Variants in LCLAT1 observed in about 807,000 individuals in gnomAD.
The protein encoded by LCLAT1 is 1-AGP acyltransferase 8.
LCLAT1 carries 11 observed loss-of-function variants against 30.7 expected under a neutral mutation model. The ratio of observed to expected loss-of-function variants is 0.36; its 90% CI spans 0.23 to 0.59. The LOEUF (loss-of-function observed/expected upper bound fraction) is 0.59. LCLAT1 is among the 20% of genes least tolerant of loss of function. The pLI is 0.77. For synonymous variants in LCLAT1, 155 were observed against 151.3 expected (o/e 1.02, Z -0.18); for missense variants, 402 against 458.6 (o/e 0.88, Z 1.13).
intron 4 of LCLAT1, among the ~76,000 whole-genome samples, chr2:30,566,100 CAG>C (rs1157869649): frequency 6.6e-6 from 1 of 152,136 alleles, no homozygotes; most frequent in African/African-American, 2.4e-5. Flanking sequence ...AGTGCAATAA[CAG>C]AGTCTGGGGA....
At chr2:30,480,483 C>T (rs1041367632) in intron 1 of LCLAT1, among the ~76,000 whole-genome samples, 2 of 152,228 alleles carry the variant, frequency 1.3e-5, no homozygotes, top group Non-Finnish European at 2.9e-5. Flanking sequence ...GTTTGAGCCA[C>T]TGCGCCTGGC....
chr2:30,478,421 G>A (rs1397944728), intron 1 of LCLAT1, among the ~76,000 whole-genome samples: 2 of 152,112 alleles, frequency 1.3e-5, no homozygotes, highest in Non-Finnish European at 2.9e-5. Flanking sequence ...TCATATTCTG[G>A]TAGAATTCCC....
At chr2:30,591,826 C>T (rs1666704512) in intron 5 of LCLAT1, among the ~76,000 whole-genome samples, 2 of 152,138 alleles carry the variant, frequency 1.3e-5, no homozygotes, top group Admixed American at 1.3e-4. Flanking sequence ...AGCTGAATAC[C>T]TATACACCTT....
chr2:30,569,535 G>A (rs918942968), intron 5 of LCLAT1, among the ~76,000 whole-genome samples: 2 of 152,066 alleles, frequency 1.3e-5, no homozygotes, highest in Non-Finnish European at 2.9e-5. Flanking sequence ...ACCTTCATCT[G>A]GTAACTGATA....
intron 1 of LCLAT1, among the ~76,000 whole-genome samples, chr2:30,501,088 G>A (rs1662938): frequency 0.13 from 3,355 of 25,244 alleles, 70 homozygotes; most frequent in Middle Eastern, 0.3. Flanking sequence ...GTGTGTGTGT[G>A]TGTGTGTGTA....
In LCLAT1 at chr2:30,455,812, C is replaced by T. The variant is rs559599480; in HGVS notation, c.-5+8429C>T. ...ATAGTCCTAGCTACTTGGGAGGCTG[C>T]GGCAGGAGGATCACTTGAGCCTGGG... On this transcript the variant is annotated intron_variant, in intron 1 of 5. Transcript: ENST00000379509. Among the ~76,000 whole-genome samples the T allele has an allele frequency of 1.0e-3, 152 of 146,688 alleles. 1 individual carries two copies. The highest frequency in any genetic ancestry group is 6.9e-3 in the South Asian group (31 of 4,494).
intron 2 of LCLAT1, among the ~76,000 whole-genome samples, chr2:30,530,135 A>G (rs1685915661): frequency 6.6e-6 from 1 of 152,232 alleles, no homozygotes; most frequent in Non-Finnish European, 1.5e-5. Flanking sequence ...AATTAGGTAA[A>G]AATTATCAGA....
chr2:30,563,891 T>G (rs1223628006), intron 4 of LCLAT1, among the ~76,000 whole-genome samples: 1 of 152,228 alleles, frequency 6.6e-6, no homozygotes, highest in African/African-American at 2.4e-5. Context: ...TGAAGGGATC[T>G]TTGACACATC....
intron 5 of LCLAT1, among the ~76,000 whole-genome samples, chr2:30,577,446 T>C (rs929497049): frequency 2.0e-5 from 3 of 152,124 alleles, no homozygotes; most frequent in African/African-American, 7.2e-5. Flanking sequence ...ATTACTGATG[T>C]TGAGAATCTA....
chr2:30,598,414 CTT>C (rs58514140), intron 5 of LCLAT1, among the ~76,000 whole-genome samples: 161 of 135,852 alleles, frequency 1.2e-3, no homozygotes, highest in African/African-American at 3.2e-3. Flanking sequence ...TCTAGATTTT[CTT>C]TTTTTTTTTT....
intron 5 of LCLAT1, among the ~76,000 whole-genome samples, chr2:30,571,830 G>T (rs536186069): frequency 6.6e-6 from 1 of 152,296 alleles, no homozygotes; most frequent in Non-Finnish European, 1.5e-5. Flanking sequence ...ACATTTGCTA[G>T]AATATTTTCT....
chr2:30,616,404 A>G (rs1163492609), intron 5 of LCLAT1, among the ~76,000 whole-genome samples: 1 of 152,062 alleles, frequency 6.6e-6, no homozygotes, highest in African/African-American at 2.4e-5. Context: ...GAGTGTGTGT[A>G]TGTGTTTGTT....
chr2:30,618,230 A>G (rs1195557301), intron 5 of LCLAT1, among the ~76,000 whole-genome samples: 1 of 151,912 alleles, frequency 6.6e-6, no homozygotes, highest in Non-Finnish European at 1.5e-5. Flanking sequence ...CTTTTTCAAA[A>G]TTGTTTTCTT....
At chr2:30,614,899 A>T (rs1390804507) in intron 5 of LCLAT1, among the ~76,000 whole-genome samples, 1 of 152,148 alleles carries the variant, frequency 6.6e-6, no homozygotes, top group Non-Finnish European at 1.5e-5. Context: ...AGTTGGGGAA[A>T]AGCCAAGAGA....
intron 5 of LCLAT1, among the ~76,000 whole-genome samples, chr2:30,633,912 T>C (rs1668892330): frequency 2.0e-5 from 3 of 152,226 alleles, no homozygotes; most frequent in Admixed American, 2.0e-4. Context: ...TTCCATTCTT[T>C]TGTTTTAAAC....
chr2:30,496,338 G>T (rs1302988635), intron 1 of LCLAT1, among the ~76,000 whole-genome samples: 2 of 152,140 alleles, frequency 1.3e-5, no homozygotes, highest in Non-Finnish European at 2.9e-5. Context: ...AATCCTGTAG[G>T]GTAGTGCCAG....
chr2:30,456,265 C>T (rs536790449), intron 1 of LCLAT1, among the ~76,000 whole-genome samples: 16 of 152,252 alleles, frequency 1.1e-4, no homozygotes, highest in South Asian at 6.2e-4. Context: ...TACCCCTGGG[C>T]GGAGGTGAAA....
intron 2 of LCLAT1, among the ~76,000 whole-genome samples, chr2:30,528,233 G>T (rs531786936): frequency 6.6e-6 from 1 of 152,068 alleles, no homozygotes; most frequent in African/African-American, 2.4e-5. Context: ...TTTTTTTCTG[G>T]GCAGCCATGT....
chr2:30,530,566 T>C (rs1428687550), intron 2 of LCLAT1, among the ~76,000 whole-genome samples: 3 of 152,178 alleles, frequency 2.0e-5, no homozygotes, highest in African/African-American at 7.2e-5. Context: ...TTGTTGCTTT[T>C]TTGGAGACTA....
Sources: allele counts gnomAD v4.1 joint callset (sites outside exome capture counted in the v4.1 genomes callset), GRCh38; gene constraint gnomAD v4.1.1; transcripts MANE v1.5; gene names NCBI Gene and HGNC (gene_info 2026-07-23, HGNC 2026-07-21).